UVRAG: variants seen among roughly 807,000 people sequenced by gnomAD.
UVRAG encodes UV radiation resistance-associated gene protein.
A neutral mutation model predicts 78.0 loss-of-function variants in UVRAG; 19 were observed. The observed-to-expected ratio is 0.24, with a 90% CI of 0.17 to 0.36. UVRAG has a LOEUF of 0.36. UVRAG is among the 10% of genes least tolerant of loss of function. The pLI is 1.00. For synonymous variants in UVRAG, 323 were observed against 324.6 expected (o/e 1.00, Z 0.05); for missense variants, 740 against 853.8 (o/e 0.87, Z 1.66).
At chr11:75,887,503 A>G (rs1449201734) in intron 4 of UVRAG, among the ~76,000 whole-genome samples, 2 of 139,912 alleles carry the variant, frequency 1.4e-5, no homozygotes, top group East Asian at 2.1e-4. Context: ...GCTGGAGTGC[A>G]GTGGCACAAT....
At chr11:76,017,067 A>T in intron 12 of UVRAG, 87 bp downstream of exon 12, 2 of 1,007,952 alleles carry the variant, frequency 2.0e-6, no homozygotes, top group South Asian at 5.7e-5. Context: ...ATGTAATCTA[A>T]ATTATGACAA....
intron 13 of UVRAG, among the ~76,000 whole-genome samples, chr11:76,084,451 A>G (rs1431165334): frequency 2.6e-5 from 4 of 152,142 alleles, no homozygotes; most frequent in Admixed American, 6.5e-5. Context: ...TCATGTTGTC[A>G]TTTTTATTCT....
intron 5 of UVRAG, among the ~76,000 whole-genome samples, chr11:75,893,213 T>C (rs1258496741): frequency 6.6e-6 from 1 of 150,490 alleles, no homozygotes; most frequent in Non-Finnish European, 1.5e-5. Flanking sequence ...TATTCCTTCC[T>C]AAAACAAACA....
chr11:76,110,632 A>G lies in UVRAG; in HGVS notation c.1306-5292A>G, dbSNP rs115007439. On this transcript the variant is annotated intron_variant, in intron 13 of 14. Coordinates refer to ENST00000356136, the MANE Select transcript of UVRAG (RefSeq NM_003369.4). ...GTTTAGGGTCAAGGGTAAAATGCCC[A>G]CTTACCTGCAGTAATCAGAGAGCTT... Among the ~76,000 whole-genome samples, 626 of 152,326 alleles carry G rather than the reference A, an allele frequency of 4.1e-3. 3 individuals are homozygous for G. The highest frequency in any genetic ancestry group is 0.014 in the African/African-American group (596 of 41,576).
At chr11:75,961,622 A>G (rs1948912816) in intron 7 of UVRAG, 73 bp downstream of exon 7, 6 of 1,205,538 alleles carry the variant, frequency 5.0e-6, no homozygotes, top group Non-Finnish European at 6.8e-6. Context: ...TCTAGGGTTA[A>G]TTTTAAAAAA....
intron 13 of UVRAG, among the ~76,000 whole-genome samples, chr11:76,071,919 T>C (rs549150481): frequency 6.6e-6 from 1 of 152,278 alleles, no homozygotes; most frequent in Non-Finnish European, 1.5e-5. Context: ...CCAAAAGATC[T>C]TCTTTGCAAA....
intron 1 of UVRAG, among the ~76,000 whole-genome samples, chr11:75,847,821 A>G (rs1946067219): frequency 6.6e-6 from 1 of 151,956 alleles, no homozygotes; most frequent in African/African-American, 2.4e-5. Flanking sequence ...AATACAAAAA[A>G]TTAGCTGGGT....
chr11:75,887,226 A>G (rs1301536863), intron 4 of UVRAG, among the ~76,000 whole-genome samples: 1 of 151,900 alleles, frequency 6.6e-6, no homozygotes, highest in Admixed American at 6.6e-5. Context: ...GCTCACTGCA[A>G]CTTCCGCCTC....
intron 6 of UVRAG, among the ~76,000 whole-genome samples, chr11:75,922,285 G>A (rs1023398450): frequency 2.0e-5 from 3 of 151,914 alleles, no homozygotes; most frequent in African/African-American, 7.2e-5. Flanking sequence ...TCTTAAGTAT[G>A]TTATAGTTTT....
intron 1 of UVRAG, among the ~76,000 whole-genome samples, chr11:75,846,292 G>A (rs1406028703): frequency 3.3e-5 from 5 of 149,592 alleles, no homozygotes; most frequent in Non-Finnish European, 5.9e-5. Flanking sequence ...GATGTGAAGT[G>A]CGCTGTGTTC....
At chr11:75,973,993 G>T (rs1397792430) in intron 7 of UVRAG, among the ~76,000 whole-genome samples, 1 of 152,128 alleles carries the variant, frequency 6.6e-6, no homozygotes, top group East Asian at 1.9e-4. Context: ...CTTTGCTATT[G>T]TGAATAGTGC....
At position 75,905,673 on chromosome 11, in the gene UVRAG, GAC is replaced by G. The variant is rs111491597; in HGVS notation, c.508-6267_508-6266del. ...TCTATTGCATGTGTACACACACAGAGACACACACACACACATTTTGTTTATTC... is the reference window on the plus strand; with the variant it reads ...TCTATTGCATGTGTACACACACAGAGACACACACACACATTTTGTTTATTC... On this transcript the variant is annotated intron_variant, in intron 5 of 14. Coordinates refer to ENST00000356136, the MANE Select transcript of UVRAG (RefSeq NM_003369.4). 3.2e-3 allele frequency among the ~76,000 whole-genome samples: 485 copies of G among 151,874 alleles called. 5 individuals carry two copies. Among genetic ancestry groups the G allele is most frequent in the African/African-American group, 0.011 (452 of 41,432 alleles).
intron 6 of UVRAG, among the ~76,000 whole-genome samples, chr11:75,926,090 G>C (rs139179541): frequency 6.6e-6 from 1 of 151,902 alleles, no homozygotes; most frequent in East Asian, 1.9e-4. Flanking sequence ...GAATTACTTA[G>C]AGTCTTGTGG....
chr11:76,013,627 C>A (rs1272466953), intron 11 of UVRAG, among the ~76,000 whole-genome samples: 2 of 152,110 alleles, frequency 1.3e-5, no homozygotes, highest in East Asian at 1.9e-4. Context: ...AAACCTTAAA[C>A]CTTTTGGTTT....
At chr11:75,831,345 G>A (rs1590909326) in intron 1 of UVRAG, among the ~76,000 whole-genome samples, 2 of 152,136 alleles carry the variant, frequency 1.3e-5, no homozygotes, top group South Asian at 2.1e-4. Flanking sequence ...AAAATTAGCC[G>A]GGTGTGGTGG....
At chr11:76,020,033 T>G (rs1950214614) in intron 12 of UVRAG, among the ~76,000 whole-genome samples, 1 of 152,184 alleles carries the variant, frequency 6.6e-6, no homozygotes, top group South Asian at 2.1e-4. Flanking sequence ...GCTAAGCTGG[T>G]GCTTAAACTC....
intron 12 of UVRAG, among the ~76,000 whole-genome samples, chr11:76,051,460 T>G (rs1161679445): frequency 6.6e-6 from 1 of 152,194 alleles, no homozygotes; most frequent in African/African-American, 2.4e-5. Context: ...GTGGACTGTT[T>G]TTCAACAGTT....
chr11:76,074,122 A>C (rs1341846764), intron 13 of UVRAG, among the ~76,000 whole-genome samples: 1 of 152,216 alleles, frequency 6.6e-6, no homozygotes, highest in Non-Finnish European at 1.5e-5. Context: ...AACATGCAAA[A>C]GTTTTCTTAA....
At chr11:75,895,643 T>TTA (rs1378909552) in intron 5 of UVRAG, among the ~76,000 whole-genome samples, 1 of 151,954 alleles carries the variant, frequency 6.6e-6, no homozygotes, top group Non-Finnish European at 1.5e-5. Context: ...TTTTTTTTTT[T>TTA]TAAAGGAAAA....
Sources: gnomAD v4.1 joint callset for allele counts (sites outside exome capture counted in the v4.1 genomes callset) on GRCh38, gnomAD v4.1.1 for gene constraint, MANE v1.5 for transcripts, NCBI Gene and HGNC (gene_info 2026-07-23, HGNC 2026-07-21) for gene names.